The following PTPN13 variants were observed in gnomAD, a reference collection of about 807,000 sequenced individuals.
The protein encoded by PTPN13 is tyrosine-protein phosphatase non-receptor type 13.
In PTPN13, 191 loss-of-function variants were observed where a neutral mutation model predicts 284.0. That is an observed-to-expected ratio of 0.67 (90% CI 0.60 to 0.76). The LOEUF is 0.76. Among genes scored for constraint, PTPN13 ranks in the 30% least tolerant of loss-of-function variants. The pLI, the probability that PTPN13 is intolerant of heterozygous loss-of-function variation, is 0.00. For missense variants in PTPN13, 2,797 were observed against 2,939.9 expected (o/e 0.95, Z 1.12); for synonymous variants, 986 against 1,022.3 (o/e 0.96, Z 0.68).
At chr4:86,784,589 C>G in intron 38 of PTPN13, 31 bp downstream of exon 38, 5 of 1,382,802 alleles carry the variant, frequency 3.6e-6, no homozygotes, top group Non-Finnish European at 5.1e-6. Flanking sequence ...TCTAATTACT[C>G]TAAATGCCCT....
chr4:86,811,909 T>C (rs190574726), intron 47 of PTPN13, among the ~76,000 whole-genome samples: 1 of 152,342 alleles, frequency 6.6e-6, no homozygotes, highest in East Asian at 1.9e-4. Flanking sequence ...TCACGCTTTT[T>C]AGGTAAGGAA....
chr4:86,724,880 T>C (rs143845417), intron 10 of PTPN13, among the ~76,000 whole-genome samples: 732 of 152,062 alleles, frequency 4.8e-3, no homozygotes, highest in African/African-American at 0.016. Context: ...AGGTTTGTTA[T>C]GTAGGTAGAC....
chr4:86,809,102 G>A (rs1475713650), intron 45 of PTPN13, among the ~76,000 whole-genome samples: 2 of 152,256 alleles, frequency 1.3e-5, no homozygotes, highest in South Asian at 2.1e-4. Flanking sequence ...TGGCCATGGG[G>A]AAAGAGAGGA....
intron 3 of PTPN13, among the ~76,000 whole-genome samples, chr4:86,674,884 T>G (rs1198220806): frequency 6.6e-6 from 1 of 152,182 alleles, no homozygotes; most frequent in Non-Finnish European, 1.5e-5. Flanking sequence ...ATTCTGTACA[T>G]TGTACGATTC....
At chr4:86,701,157 C>A (rs910150122) in intron 6 of PTPN13, 84 bp from the exon 7 acceptor site, 2 of 1,080,126 alleles carry the variant, frequency 1.9e-6, no homozygotes. Flanking sequence ...GAAATTGCCA[C>A]CACTTTCATT....
chr4:86,714,329 C>T (rs1732759783), intron 7 of PTPN13, among the ~76,000 whole-genome samples: 1 of 152,048 alleles, frequency 6.6e-6, no homozygotes, highest in Non-Finnish European at 1.5e-5. Flanking sequence ...TCACCTTTTC[C>T]CTTGTCTGTT....
At chr4:86,617,805 T>A (rs1356179783) in intron 1 of PTPN13, among the ~76,000 whole-genome samples, 2 of 152,180 alleles carry the variant, frequency 1.3e-5, no homozygotes, top group African/African-American at 2.4e-5. Flanking sequence ...GTTTGAATTC[T>A]TTGTAGATTC....
intron 30 of PTPN13, 30 bp from the exon 31 acceptor site, chr4:86,771,141 C>T (rs756986364): frequency 6.5e-7 from 1 of 1,533,586 alleles, no homozygotes; most frequent in Non-Finnish European, 8.8e-7. Context: ...ATAGAATGGT[C>T]ACAAATCTCT....
intron 2 of PTPN13, among the ~76,000 whole-genome samples, chr4:86,638,316 A>T (rs1036859817): frequency 6.6e-6 from 1 of 152,102 alleles, no homozygotes; most frequent in Non-Finnish European, 1.5e-5. Context: ...TTCCCAGAAT[A>T]GGAAAAAACT....
rs534176362 is a variant in PTPN13, at chr4:86,631,569, T to TA, written c.-5-3682dup. Among the ~76,000 whole-genome samples the TA allele has an allele frequency of 1.3e-3, 197 of 152,314 alleles. 1 individual carries two copies. The highest frequency in any genetic ancestry group is 4.5e-3 in the African/African-American group (189 of 41,578). Reference sequence around the variant, plus strand: ...ATTAAAAATATTAAATCTATTCTGATAGCTTGATGATAACTTTGAAAAACA... The same window carrying TA: ...ATTAAAAATATTAAATCTATTCTGATAAGCTTGATGATAACTTTGAAAAACA... On this transcript the variant is annotated intron_variant, in intron 1 of 47. Coordinates refer to ENST00000411767, the MANE Select transcript of PTPN13 (RefSeq NM_080683.3).
chr4:86,676,236 G>A (rs1298682473), intron 3 of PTPN13, among the ~76,000 whole-genome samples: 1 of 152,138 alleles, frequency 6.6e-6, no homozygotes, highest in Non-Finnish European at 1.5e-5. Flanking sequence ...GAAATTCTAG[G>A]ATTGTCTAGT....
At chr4:86,661,105 G>A (rs1213099812) in intron 2 of PTPN13, 2 of 453,998 alleles carry the variant, frequency 4.4e-6, no homozygotes, top group Non-Finnish European at 4.4e-6. Flanking sequence ...CAGATTCAGA[G>A]CATTTCAGCA....
At position 86,807,770 on chromosome 4, in the gene PTPN13, G is replaced by A; in HGVS notation, c.6956G>A (p.Cys2319Tyr). ...TQEVEGEKIKCQRYWPNILGK... is the reference protein window; with the variant it reads ...TQEVEGEKIKYQRYWPNILGK... ...GAAGTAGAAGGAGAAAAAATCAAAT[G>A]CCAGCGCTATTGGCCCAACATCCTA... is the stretch of plus-strand genomic sequence containing the variant. Residue 2319 changes from cysteine (C) to tyrosine (Y), a missense_variant, in exon 45 of 48, where the codon TGC becomes TAC. Physicochemically the swap from Cys to Tyr is radical, Grantham distance 194. Coordinates refer to ENST00000411767, the MANE Select transcript of PTPN13 (RefSeq NM_080683.3). The A allele has an allele frequency of 1.2e-6, 2 of 1,613,978 alleles. No homozygotes were observed. Among genetic ancestry groups the A allele is most frequent in the Non-Finnish European group, 8.5e-7 (1 of 1,179,896 alleles).
At chr4:86,721,562 A>G (rs1428883113) in intron 9 of PTPN13, among the ~76,000 whole-genome samples, 1 of 152,126 alleles carries the variant, frequency 6.6e-6, no homozygotes, top group Non-Finnish European at 1.5e-5. Context: ...TTATATAGGT[A>G]GTATGATCAG....
At chr4:86,645,729 G>A (rs745610152) in intron 2 of PTPN13, among the ~76,000 whole-genome samples, 5 of 152,072 alleles carry the variant, frequency 3.3e-5, no homozygotes, top group African/African-American at 4.8e-5. Context: ...TTCCTGTATC[G>A]AGAGACTCAG....
chr4:86,771,122 C>A, intron 30 of PTPN13, 49 bp from the exon 31 acceptor site: 2 of 1,494,630 alleles, frequency 1.3e-6, no homozygotes, highest in Admixed American at 2.4e-5. Context: ...ATAAATGCTT[C>A]TAAAATTCAT....
intron 40 of PTPN13, among the ~76,000 whole-genome samples, chr4:86,796,454 G>A (rs62305599): frequency 3.3e-5 from 5 of 151,990 alleles, no homozygotes; most frequent in Non-Finnish European, 7.4e-5. Context: ...GGGCAACATA[G>A]TGAGATCCCA....
At chr4:86,650,900 A>G (rs1179011782) in intron 2 of PTPN13, among the ~76,000 whole-genome samples, 2 of 152,054 alleles carry the variant, frequency 1.3e-5, no homozygotes, top group Admixed American at 6.6e-5. Flanking sequence ...TCCAATTTGG[A>G]TGTCCTTTAT....
In PTPN13 at chr4:86,636,577, T is replaced by C. The variant is rs553129290; in HGVS notation, c.115+1206T>C. ...GTGGTACCAGCAACATTAGCATCTTTTGAAAACTTGTTAGAAATGAAGGCA... is the reference window on the plus strand; with the variant it reads ...GTGGTACCAGCAACATTAGCATCTTCTGAAAACTTGTTAGAAATGAAGGCA... On this transcript the variant is annotated intron_variant, in intron 2 of 47. Coordinates refer to ENST00000411767, the MANE Select transcript of PTPN13 (RefSeq NM_080683.3). Among the ~76,000 whole-genome samples the C allele has an allele frequency of 6.4e-4, 98 of 152,256 alleles. 1 individual carries two copies. The Middle Eastern group carries it at 0.014, about 21-fold the overall frequency.
Sources: allele counts gnomAD v4.1 joint callset (sites outside exome capture counted in the v4.1 genomes callset), GRCh38; gene constraint gnomAD v4.1.1; transcripts MANE v1.5; gene names NCBI Gene and HGNC (gene_info 2026-07-23, HGNC 2026-07-21).